FLNB: variants seen among roughly 807,000 people sequenced by gnomAD.
The protein encoded by FLNB is filamin B.
Under a neutral mutation model 250.6 loss-of-function variants are expected in FLNB, and 111 were observed. That is an observed-to-expected ratio of 0.44 (90% confidence interval 0.38 to 0.52). The LOEUF (loss-of-function observed/expected upper bound fraction) is 0.52, where lower values mean the gene tolerates loss of function less well. Ranked by LOEUF, FLNB falls within the 20% of genes least tolerant of loss-of-function variation. The pLI, the probability that FLNB is intolerant of heterozygous loss-of-function variation, is 0.00. For synonymous variants in FLNB, 1,302 were observed against 1,372.1 expected (o/e 0.95, Z 1.13); for missense variants, 2,869 against 3,447.8 (o/e 0.83, Z 4.20).
At chr3:58,093,829 G>C (rs558432477) in intron 4 of FLNB, among the ~76,000 whole-genome samples, 5 of 152,250 alleles carry the variant, frequency 3.3e-5, no homozygotes, top group African/African-American at 1.2e-4. Flanking sequence ...CAACCTGGGT[G>C]AACCTGTAGA....
At position 58,154,799 on chromosome 3, in the gene FLNB, A is replaced by G. The variant is rs2097350829; in HGVS notation, c.6643A>G (p.Ser2215Gly). ...TTTCTCTTTGCTCTCAGCTGAGTTC[A>G]GCATTTGGACCCGGGAAGCAGGCGC... is the stretch of plus-strand genomic sequence containing the variant. The part of the protein sequence containing the change: ...RGEAGVPAEF[S>G]IWTREAGAGG... The change falls in exon 40 of 46, where the codon AGC becomes GGC. Residue 2215 changes from serine (S) to glycine (G), a missense_variant. Ser to Gly is a moderately conservative substitution (Grantham distance 56). This residue lies in a region of FLNB where 1,084 missense variants were observed against 1,315.5 expected (regional missense o/e 0.82). Coordinates refer to ENST00000295956, the MANE Select transcript of FLNB (RefSeq NM_001457.4). The G allele has an allele frequency of 1.2e-6, 2 of 1,614,036 alleles. No individual in the cohort carries two copies. The highest frequency in any genetic ancestry group is 3.3e-5 in the Admixed American group (2 of 60,022).
intron 20 of FLNB, among the ~76,000 whole-genome samples, chr3:58,122,740 G>A (rs1368834837): frequency 1.3e-5 from 2 of 152,138 alleles, no homozygotes; most frequent in Non-Finnish European, 2.9e-5. Flanking sequence ...CCTTCCATGA[G>A]CCCTCAACCT....
At chr3:58,016,795 A>C (rs1053235939) in intron 1 of FLNB, among the ~76,000 whole-genome samples, 1 of 152,166 alleles carries the variant, frequency 6.6e-6, no homozygotes, top group Non-Finnish European at 1.5e-5. Context: ...CCTTCCCCCA[A>C]CAATAAGTTT....
At position 58,167,759 on chromosome 3, in the gene FLNB, G is replaced by T. The variant is rs140522067; in HGVS notation, c.7199-681G>T. ...GCGTGACTGGCCCCCTCCCTGAGCCGCAGAGTCATTTGTGAAGCAGGAATC... is the reference window on the plus strand; with the variant it reads ...GCGTGACTGGCCCCCTCCCTGAGCCTCAGAGTCATTTGTGAAGCAGGAATC... On this transcript the variant is annotated intron_variant, in intron 43 of 45. Transcript: ENST00000295956. Among the ~76,000 whole-genome samples, 1,486 of 152,362 alleles carry T rather than the reference G, an allele frequency of 9.8e-3. 24 individuals are homozygous for T. The highest frequency in any genetic ancestry group is 0.034 in the African/African-American group (1,403 of 41,584).
intron 4 of FLNB, among the ~76,000 whole-genome samples, chr3:58,084,001 G>T (rs1319925785): frequency 6.6e-6 from 1 of 151,932 alleles, no homozygotes; most frequent in African/African-American, 2.4e-5. Context: ...AGACCATCCT[G>T]GCTAACAAGG....
chr3:58,156,880 A>G (rs1447989468), intron 41 of FLNB, among the ~76,000 whole-genome samples: 1 of 152,120 alleles, frequency 6.6e-6, no homozygotes, highest in Non-Finnish European at 1.5e-5. Flanking sequence ...GATTTTTCGT[A>G]GAGATGGGGT....
intron 1 of FLNB, among the ~76,000 whole-genome samples, chr3:58,016,725 T>C (rs1187291768): frequency 6.6e-6 from 1 of 152,184 alleles, no homozygotes; most frequent in East Asian, 1.9e-4. Flanking sequence ...CTTGTTATTC[T>C]GCTTTTAATT....
chr3:58,053,706 C>T (rs891580353), intron 1 of FLNB, among the ~76,000 whole-genome samples: 2 of 152,114 alleles, frequency 1.3e-5, no homozygotes, highest in African/African-American at 4.8e-5. Flanking sequence ...TTGTGATCTG[C>T]CCGCCTCGGC....
At chr3:58,130,948 C>A (rs750882140) in intron 25 of FLNB, 40 bp downstream of exon 25, 1 of 1,584,554 alleles carries the variant, frequency 6.3e-7, no homozygotes, top group East Asian at 2.3e-5. Context: ...ATTCATCTGC[C>A]CCAGGCAGGG....
At chr3:58,165,533 A>G (rs1054188874) in intron 43 of FLNB, 1 of 152,276 alleles carries the variant, frequency 6.6e-6, no homozygotes, top group African/African-American at 2.4e-5. Context: ...CAGAGCGCCC[A>G]GTATCCTGAC....
chr3:58,074,626 C>T (rs139792012), intron 1 of FLNB, among the ~76,000 whole-genome samples: 426 of 152,260 alleles, frequency 2.8e-3, no homozygotes, highest in African/African-American at 9.8e-3. Flanking sequence ...GAATTTGTAT[C>T]TGTTTCCTAT....
At chr3:58,067,572 G>GTTT (rs11400987) in intron 1 of FLNB, among the ~76,000 whole-genome samples, 17 of 145,208 alleles carry the variant, frequency 1.2e-4, no homozygotes, top group African/African-American at 4.1e-4. Flanking sequence ...TAACAAAGAG[G>GTTT]TTTTTTTTGT....
Position 58,130,856 on chromosome 3 carries a change from C to T in FLNB, c.4338C>T (p.Asp1446=). ...RARVLQSFTV[D]SSKAGLAPLE... The stretch of plus-strand genomic sequence containing the variant: ...GTGTCCTGCAGTCCTTCACGGTGGA[C>T]AGCAGCAAGGCTGGCCTGGCTCCGC... The change falls in exon 25 of 46, where the codon GAC becomes GAT. Residue 1446 remains aspartate, a synonymous_variant. Transcript: ENST00000295956. 6.2e-7 allele frequency: 1 copy of T among 1,613,342 alleles called. No homozygotes were observed.
At chr3:58,106,022 G>A (rs2107102901) in intron 11 of FLNB, among the ~76,000 whole-genome samples, 1 of 152,088 alleles carries the variant, frequency 6.6e-6, no homozygotes, top group Middle Eastern at 3.4e-3. Flanking sequence ...TATTGATTTG[G>A]TACAGAAAAT....
chr3:58,153,992 C>T (rs989127222), intron 39 of FLNB, among the ~76,000 whole-genome samples: 2 of 152,202 alleles, frequency 1.3e-5, no homozygotes, highest in Non-Finnish European at 2.9e-5. Context: ...TGACTGTAAG[C>T]ATCCTTTCCT....
chr3:58,163,391 T>C, intron 43 of FLNB, 61 bp downstream of exon 43: 2 of 1,557,588 alleles, frequency 1.3e-6, no homozygotes. Flanking sequence ...CCAAGCCAGA[T>C]GGAAATCCTC....
Position 58,163,470 on chromosome 3 carries a change from T to C in FLNB, c.7198+140T>C. ...GGGTCATGCACACTTCGGAGGCGCT[T>C]GCTGTCCAAAGCTGTTTTGGGAGTT... On this transcript the variant is annotated intron_variant, in intron 43 of 45. Transcript: ENST00000295956. The C allele has an allele frequency of 3.6e-6, 3 of 842,940 alleles. No individual in the cohort carries two copies. The East Asian group carries it at 8.0e-5, about 22-fold the overall frequency. The allele number at this position is 842,940 out of a possible 1,614,324, so 52.2% of individuals were successfully genotyped here. A position where few individuals can be genotyped will look rare whatever the true frequency, so the allele number is the denominator to read the frequency against.
intron 1 of FLNB, among the ~76,000 whole-genome samples, chr3:58,029,832 T>G (rs989111727): frequency 6.8e-6 from 1 of 147,192 alleles, no homozygotes; most frequent in Non-Finnish European, 1.5e-5. Context: ...AATTTGGGAG[T>G]CAGGCACCTC....
At chr3:58,076,103 C>T (rs943564053) in intron 1 of FLNB, among the ~76,000 whole-genome samples, 1 of 152,134 alleles carries the variant, frequency 6.6e-6, no homozygotes, top group African/African-American at 2.4e-5. Context: ...ATGGCTTACT[C>T]TTAAGAATGA....
Sources: allele counts gnomAD v4.1 joint callset (sites outside exome capture counted in the v4.1 genomes callset), GRCh38; gene constraint gnomAD v4.1.1; regional missense constraint gnomAD v4.1.1; transcripts MANE v1.5; gene names NCBI Gene and HGNC (gene_info 2026-07-23, HGNC 2026-07-21).